FGD5: variants seen among roughly 807,000 people sequenced by gnomAD.
The protein encoded by FGD5 is FYVE, RhoGEF and PH domain containing 5.
FGD5 carries 28 observed loss-of-function variants against 133.4 expected under a neutral mutation model. The observed-to-expected ratio is 0.21, with a 90% CI of 0.16 to 0.29. The LOEUF (loss-of-function observed/expected upper bound fraction) is 0.29, where lower values mean the gene tolerates loss of function less well. FGD5 is among the 10% of genes least tolerant of loss of function. The pLI is 1.00. For missense variants in FGD5, 1,858 were observed against 1,895.2 expected, an observed-to-expected ratio of 0.98 and a Z score of 0.36; for synonymous variants, 810 against 776.5, an observed-to-expected ratio of 1.04 and a Z score of -0.72.
chr3:14,847,161 A>G (rs527826893), intron 1 of FGD5, among the ~76,000 whole-genome samples: 43 of 152,300 alleles, frequency 2.8e-4, no homozygotes, highest in Non-Finnish European at 5.4e-4. Context: ...ATCCTCGAAG[A>G]TGAGTTTTTG....
intron 4 of FGD5, among the ~76,000 whole-genome samples, chr3:14,894,203 C>G (rs1212358037): frequency 6.6e-6 from 1 of 152,180 alleles, no homozygotes; most frequent in African/African-American, 2.4e-5. Context: ...TGGGAACATG[C>G]GATATTTGTC....
chr3:14,933,155 G>A lies in FGD5; in HGVS notation c.4377G>A (p.Ala1459=), dbSNP rs1392979286. The A allele has an allele frequency of 2.5e-6, 4 of 1,613,632 alleles. No individual in the cohort carries two copies. Among genetic ancestry groups the A allele is most frequent in the South Asian group, 1.1e-5 (1 of 90,916 alleles). The change falls in exon 20 of 20, where the codon GCG becomes GCA. Residue 1459 remains alanine (A), a synonymous_variant. Transcript: ENST00000285046. ...AQRWIEAMED[A]SVL Reference sequence around the variant, plus strand: ...GGTGGATCGAGGCCATGGAAGATGCGAGTGTGTTATAGCAGTTATCAAGCA... The same window carrying A: ...GGTGGATCGAGGCCATGGAAGATGCAAGTGTGTTATAGCAGTTATCAAGCA...
rs367665089 is a variant in FGD5, at chr3:14,926,058, C to G, written c.4069-12C>G. The G allele has an allele frequency of 3.7e-6, 6 of 1,613,156 alleles. No homozygotes were observed. Among genetic ancestry groups the G allele is most frequent in the Non-Finnish European group, 5.1e-6 (6 of 1,179,644 alleles). Reference sequence around the variant, plus strand: ...CCGGGGTGGGCTGACCGCTCTGCTTCCCTCCTGCCAGGTGGCTGCCTCTGG... The same window carrying G: ...CCGGGGTGGGCTGACCGCTCTGCTTGCCTCCTGCCAGGTGGCTGCCTCTGG... On this transcript the variant is annotated splice_polypyrimidine_tract_variant and intron_variant, in intron 17 of 19. Coordinates refer to ENST00000285046, the MANE Select transcript of FGD5 (RefSeq NM_152536.4).
intron 9 of FGD5, among the ~76,000 whole-genome samples, chr3:14,901,317 A>C (rs1448005609): frequency 1.3e-5 from 2 of 152,204 alleles, no homozygotes; most frequent in Non-Finnish European, 2.9e-5. Flanking sequence ...GGCCACCCCC[A>C]TCAGCACCTG....
At chr3:14,872,249 TCTCTGAATGTTGTA>T (rs59719486) in intron 2 of FGD5, among the ~76,000 whole-genome samples, 25,811 of 152,060 alleles carry the variant, frequency 0.17, 2,586 homozygotes, top group East Asian at 0.39. Flanking sequence ...TTTATGTACT[TCTCTGAATGTTGTA>T]CTCTGAATGT....
intron 1 of FGD5, among the ~76,000 whole-genome samples, chr3:14,841,548 CTT>C (rs1278290689): frequency 7.3e-6 from 1 of 136,674 alleles, no homozygotes; most frequent in Non-Finnish European, 1.5e-5. Context: ...GATGAACAGA[CTT>C]AAGGATCAGG....
upstream of FGD5, among the ~76,000 whole-genome samples, chr3:14,817,543 ATGTAG>A (rs1559465121): frequency 6.6e-6 from 1 of 152,206 alleles, no homozygotes; most frequent in East Asian, 1.9e-4. Flanking sequence ...AAAATTGCCT[ATGTAG>A]TGATACATGT....
chr3:14,844,219 TATATATATATATATATATATATA>T (rs2036993121), intron 1 of FGD5, among the ~76,000 whole-genome samples: 1 of 12,430 alleles, frequency 8.0e-5, no homozygotes, highest in South Asian at 3.8e-3. Context: ...AAAAAAAAAA[TATATATATATATATATATATATA>T]TATATATATA....
At position 14,907,481 on chromosome 3, in the gene FGD5, C is replaced by T. The variant is rs113422975; in HGVS notation, c.3265-159C>T. 7.9e-4 allele frequency among the ~76,000 whole-genome samples: 120 copies of T among 152,348 alleles called. 1 individual carries two copies. The highest frequency in any genetic ancestry group is 2.8e-3 in the African/African-American group (116 of 41,584). ...TGGTGGCTCCCTGCAGACCCAGGCT[C>T]GGATCCCAGTCCTGCCTTGTACAGG... On this transcript the variant is annotated intron_variant, in intron 9 of 19. Transcript: ENST00000285046.
rs552343992 is a variant in FGD5 at position 14,934,465 on chromosome 3, C to T, written c.*1298C>T. 6 of 152,296 alleles carry T rather than the reference C, an allele frequency of 3.9e-5. No homozygotes were observed. The highest frequency in any genetic ancestry group is 2.6e-4 in the Admixed American group (4 of 15,302). The allele number at this position is 152,296 out of a possible 1,614,324, so 9.4% of individuals were successfully genotyped here. A position where few individuals can be genotyped will look rare whatever the true frequency, so the allele number is the denominator to read the frequency against. ...CTGACAAACTTTTTGTAAAAAGCAC[C>T]ATCTCTGGACTTACTTGCATTAAAT... On this transcript the variant is annotated 3_prime_UTR_variant, in exon 20 of 20. Coordinates refer to ENST00000285046, the MANE Select transcript of FGD5 (RefSeq NM_152536.4).
intron 1 of FGD5, among the ~76,000 whole-genome samples, chr3:14,855,859 G>C (rs997334376): frequency 1.3e-5 from 2 of 152,120 alleles, no homozygotes; most frequent in Non-Finnish European, 2.9e-5. Flanking sequence ...TTCCTTTGCT[G>C]TACAGATGCT....
chr3:14,844,220 ATAT>A (rs2036993288), intron 1 of FGD5, among the ~76,000 whole-genome samples: 41 of 16,320 alleles, frequency 2.5e-3, no homozygotes, highest in East Asian at 8.4e-3. Flanking sequence ...AAAAAAAAAT[ATAT>A]ATATATATAT....
intron 18 of FGD5, among the ~76,000 whole-genome samples, chr3:14,927,246 G>A (rs932106700): frequency 1.3e-5 from 2 of 152,200 alleles, no homozygotes; most frequent in Admixed American, 6.5e-5. Context: ...CCACAGGTGG[G>A]GTCTTCCACA....
rs781207446 is a variant in FGD5 at position 14,820,274 on chromosome 3, G to T, written c.1203G>T (p.Gln401His). 1.2e-6 allele frequency: 2 copies of T among 1,605,262 alleles called. No individual in the cohort carries two copies. Among genetic ancestry groups the T allele is most frequent in the Admixed American group, 3.4e-5 (2 of 59,456 alleles). ...GALCGQCGSL[Q>H]GGAAEGPAAP... ...TGTGTGGCCAGTGTGGCTCCCTACA[G>T]GGTGGAGCGGCCGAGGGTCCCGCAG... Residue 401 changes from glutamine to histidine, a missense_variant, in exon 1 of 20, where the codon CAG (glutamine) becomes CAT (histidine). Around this residue, in one of 3 missense-constraint regions of FGD5, gnomAD observed 1,824 missense variants for 1,848.9 expected, o/e 0.99. Coordinates refer to ENST00000285046, the MANE Select transcript of FGD5 (RefSeq NM_152536.4).
chr3:14,838,510 G>A (rs2036860829), intron 1 of FGD5, among the ~76,000 whole-genome samples: 1 of 152,142 alleles, frequency 6.6e-6, no homozygotes, highest in South Asian at 2.1e-4. Flanking sequence ...ACCCCCCAGT[G>A]ATTCAGGTCT....
intron 7 of FGD5, among the ~76,000 whole-genome samples, chr3:14,899,561 C>T (rs2038197690): frequency 6.6e-6 from 1 of 152,164 alleles, no homozygotes. Flanking sequence ...CTCAAAAATA[C>T]ATTAGGGCCA....
At position 14,917,440 on chromosome 3, in the gene FGD5, G is replaced by T. The variant is rs968216096; in HGVS notation, c.3489+108G>T. ...GCACCCAGACCAGCTGGAAGAGGGA[G>T]GCCCTGCGGAAACAGTGTTGGGCTA... On this transcript the variant is annotated intron_variant, in intron 12 of 19. Transcript: ENST00000285046. This position sits in a 1 kb window ranked among gnomAD's most constrained non-coding sequence, Gnocchi z 4.1. 1.0e-6 allele frequency: 1 copy of T among 1,003,438 alleles called. No individual in the cohort carries two copies. Among genetic ancestry groups the T allele is most frequent in the Non-Finnish European group, 1.5e-6 (1 of 672,684 alleles). The allele number at this position is 1,003,438 out of a possible 1,614,324, so 62.2% of individuals were successfully genotyped here.
intron 2 of FGD5, among the ~76,000 whole-genome samples, chr3:14,872,184 A>G (rs915770205): frequency 6.6e-6 from 1 of 152,210 alleles, no homozygotes; most frequent in African/African-American, 2.4e-5. Flanking sequence ...TTAACAGTTG[A>G]GTTGGAGAAT....
upstream of FGD5, among the ~76,000 whole-genome samples, chr3:14,814,681 C>A (rs1478403444): frequency 6.6e-6 from 1 of 152,188 alleles, no homozygotes. Flanking sequence ...TCCGGCCAGA[C>A]CTCTCTTCAG....
Sources: allele counts gnomAD v4.1 joint callset (sites outside exome capture counted in the v4.1 genomes callset), GRCh38; gene constraint gnomAD v4.1.1; regional missense constraint gnomAD v4.1.1; non-coding constraint Gnocchi (gnomAD v3.1); transcripts MANE v1.5; gene names NCBI Gene and HGNC (gene_info 2026-07-23, HGNC 2026-07-21).